TRIO: variants seen among roughly 807,000 people sequenced by gnomAD.
TRIO encodes the protein triple functional domain protein.
A neutral mutation model predicts 351.9 loss-of-function variants in TRIO; 58 were observed. The ratio of observed to expected loss-of-function variants is 0.16; its 90% CI spans 0.13 to 0.21. TRIO has a LOEUF of 0.21. Ranked by LOEUF, TRIO falls within the 10% of genes least tolerant of loss-of-function variation. The pLI is 1.00. For missense variants in TRIO, 3,201 were observed against 4,027.8 expected (o/e 0.79, Z 5.56); for synonymous variants, 1,758 against 1,595.7 (o/e 1.10, Z -2.42).
At chr5:14,457,235 G>A (rs1328774416) in intron 34 of TRIO, among the ~76,000 whole-genome samples, 8 of 152,060 alleles carry the variant, frequency 5.3e-5, no homozygotes, top group Admixed American at 4.6e-4. Flanking sequence ...CCGGCAAAAT[G>A]AAAGAATGTC....
chr5:14,245,157 A>G (rs1393959936), intron 1 of TRIO, among the ~76,000 whole-genome samples: 4 of 152,210 alleles, frequency 2.6e-5, no homozygotes, highest in East Asian at 3.8e-4. Flanking sequence ...ACTGTTCTCA[A>G]CTTTGAACAT....
chr5:14,252,110 TC>T (rs141973494), intron 1 of TRIO, among the ~76,000 whole-genome samples: 6,382 of 152,304 alleles, frequency 0.042, 443 homozygotes, highest in African/African-American at 0.15. Context: ...GTAAACTCAC[TC>T]CTGGCAATTT....
intron 48 of TRIO, chr5:14,492,317 T>G: frequency 3.9e-6 from 2 of 519,374 alleles, no homozygotes; most frequent in South Asian, 2.3e-5. Context: ...AACCAAAGAG[T>G]CATTATTGCA....
chr5:14,390,206 A>G (rs1220726399), intron 25 of TRIO, 25 bp from the exon 26 acceptor site: 2 of 1,608,944 alleles, frequency 1.2e-6, no homozygotes, highest in Non-Finnish European at 1.7e-6. Context: ...CCTTTGTAAT[A>G]TGATACCATT....
chr5:14,305,265 G>C (rs1456939813), intron 8 of TRIO, among the ~76,000 whole-genome samples: 1 of 152,222 alleles, frequency 6.6e-6, no homozygotes, highest in Non-Finnish European at 1.5e-5. Context: ...CACCCTCTGC[G>C]GCCTCTGTGC....
intron 1 of TRIO, among the ~76,000 whole-genome samples, chr5:14,230,487 G>A (rs1445947608): frequency 6.6e-6 from 1 of 152,056 alleles, no homozygotes; most frequent in Non-Finnish European, 1.5e-5. Context: ...GCATGCAGGT[G>A]AGGATCTGGG....
In TRIO at chr5:14,451,534, T is replaced by C. The variant is rs148445252; in HGVS notation, c.5204-9485T>C. On this transcript the variant is annotated intron_variant, in intron 34 of 56. Transcript: ENST00000344204. Reference sequence around the variant, plus strand: ...CATTTGCCTTACAGCCTCCCTTGTATGGTGGAAGAACTTCCTGAATAAAAA... The same window carrying C: ...CATTTGCCTTACAGCCTCCCTTGTACGGTGGAAGAACTTCCTGAATAAAAA... Among the ~76,000 whole-genome samples the C allele has an allele frequency of 1.2e-4, 18 of 152,376 alleles. No individual in the cohort carries two copies. The East Asian group carries it at 3.1e-3, about 26-fold the overall frequency.
intron 23 of TRIO, among the ~76,000 whole-genome samples, chr5:14,388,325 T>G (rs1291105132): frequency 1.3e-5 from 2 of 152,188 alleles, no homozygotes; most frequent in African/African-American, 4.8e-5. Context: ...CTGAGCACTC[T>G]CCAGTGCAGA....
chr5:14,354,550 TC>T (rs1417633675), intron 11 of TRIO, among the ~76,000 whole-genome samples: 1 of 152,228 alleles, frequency 6.6e-6, no homozygotes, highest in African/African-American at 2.4e-5. Flanking sequence ...ACCTTTATTT[TC>T]AGCTACATTT....
At chr5:14,248,723 G>A (rs768042750) in intron 1 of TRIO, among the ~76,000 whole-genome samples, 9 of 152,246 alleles carry the variant, frequency 5.9e-5, no homozygotes, top group Non-Finnish European at 8.8e-5. Context: ...GGTCATCAGA[G>A]CTGACATTGG....
chr5:14,316,369 A>C (rs1483041285), intron 8 of TRIO, 144 bp from the exon 9 acceptor site: 1 of 784,840 alleles, frequency 1.3e-6, no homozygotes, highest in Non-Finnish European at 2.0e-6. Flanking sequence ...TGGTGTGTGA[A>C]TGAATGTCTG....
intron 1 of TRIO, among the ~76,000 whole-genome samples, chr5:14,213,457 G>C (rs1253142010): frequency 1.3e-5 from 2 of 151,958 alleles, no homozygotes; most frequent in African/African-American, 4.8e-5. Flanking sequence ...TGACTCACCA[G>C]TTAGATACTA....
intron 1 of TRIO, among the ~76,000 whole-genome samples, chr5:14,200,163 G>A (rs1194788784): frequency 6.6e-6 from 1 of 151,900 alleles, no homozygotes; most frequent in African/African-American, 2.4e-5. Flanking sequence ...TAGGGGCTTG[G>A]CTTACTGTGC....
intron 34 of TRIO, among the ~76,000 whole-genome samples, chr5:14,449,678 G>A (rs914401597): frequency 1.3e-5 from 2 of 152,174 alleles, no homozygotes; most frequent in Non-Finnish European, 2.9e-5. Context: ...TATAACTCCA[G>A]TCTCTAGCCT....
chr5:14,363,474 T>A (rs1417290681), intron 13 of TRIO, among the ~76,000 whole-genome samples: 1 of 152,192 alleles, frequency 6.6e-6, no homozygotes, highest in African/African-American at 2.4e-5. Flanking sequence ...AGAGAAAAAT[T>A]ATTTATCTTC....
At chr5:14,276,263 G>A (rs1469840938) in intron 2 of TRIO, among the ~76,000 whole-genome samples, 2 of 152,224 alleles carry the variant, frequency 1.3e-5, no homozygotes, top group Admixed American at 1.3e-4. Flanking sequence ...TCCTAGCATA[G>A]TGGGAGCTGG....
Position 14,509,815 on chromosome 5 carries a change from TTA to T in TRIO, c.*1395_*1396del, listed in dbSNP as rs1757970133. ...CCCTCGAAGTTTTCTGGATGTCTTT[TTA>T]TCTTTCTCGTGTGAACTGCACTACA... On this transcript the variant is annotated 3_prime_UTR_variant, in exon 57 of 57. Transcript: ENST00000344204. 5.3e-6 allele frequency: 1 copy of T among 187,218 alleles called. No individual in the cohort carries two copies. Among genetic ancestry groups the T allele is most frequent in the Non-Finnish European group, 1.1e-5 (1 of 90,334 alleles). The allele number at this position is 187,218 out of a possible 1,614,324, so 11.6% of individuals were successfully genotyped here.
In TRIO at chr5:14,377,993, A is replaced by G. The variant is rs771136308; in HGVS notation, c.3332-19A>G. 1.3e-6 allele frequency: 2 copies of G among 1,586,920 alleles called. No individual in the cohort carries two copies. Among genetic ancestry groups the G allele is most frequent in the East Asian group, 4.5e-5 (2 of 44,560 alleles). ...TTGATTGCAAGCACCAACATACATC[A>G]TTTTCTTTTTTCTCTCAGATATCTT... On this transcript the variant is annotated intron_variant, in intron 19 of 56. Coordinates refer to ENST00000344204, the MANE Select transcript of TRIO (RefSeq NM_007118.4).
intron 18 of TRIO, among the ~76,000 whole-genome samples, chr5:14,373,272 G>A (rs371113352): frequency 8.5e-5 from 13 of 152,048 alleles, no homozygotes; most frequent in African/African-American, 1.7e-4. Context: ...AATTTCACAC[G>A]AATCAGTAGA....
Sources: gnomAD v4.1 joint callset for allele counts (sites outside exome capture counted in the v4.1 genomes callset) on GRCh38, gnomAD v4.1.1 for gene constraint, MANE v1.5 for transcripts, NCBI Gene and HGNC (gene_info 2026-07-23, HGNC 2026-07-21) for gene names.